GALNTL6: variants seen among roughly 807,000 people sequenced by gnomAD.
GALNTL6 encodes polypeptide N-acetylgalactosaminyltransferase like 6.
A neutral mutation model predicts 73.7 loss-of-function variants in GALNTL6; 46 were observed. The observed-to-expected ratio is 0.62, with a 90% confidence interval of 0.49 to 0.80. The LOEUF (loss-of-function observed/expected upper bound fraction) is 0.80, where lower values mean the gene tolerates loss of function less well. Ranked by LOEUF, GALNTL6 falls within the 30% of genes least tolerant of loss-of-function variation. GALNTL6 has a pLI of 0.00. For synonymous variants in GALNTL6, 259 were observed against 263.7 expected (o/e 0.98, Z 0.17); for missense variants, 604 against 755.0 (o/e 0.80, Z 2.34).
chr4:172,262,789 T>C (rs565724994), intron 3 of GALNTL6, among the ~76,000 whole-genome samples: 2 of 151,770 alleles, frequency 1.3e-5, no homozygotes, highest in Admixed American at 6.6e-5. Flanking sequence ...GAGCTCCTTT[T>C]AGCATTTCTT....
At chr4:172,536,837 A>G (rs984341936) in intron 5 of GALNTL6, among the ~76,000 whole-genome samples, 1 of 152,336 alleles carries the variant, frequency 6.6e-6, no homozygotes, top group South Asian at 2.1e-4. Flanking sequence ...TTGCATAATT[A>G]ATGAGGAGCC....
chr4:172,079,687 T>G (rs966548550), intron 2 of GALNTL6, among the ~76,000 whole-genome samples: 1 of 152,144 alleles, frequency 6.6e-6, no homozygotes, highest in African/African-American at 2.4e-5. Flanking sequence ...ATTTGAATAA[T>G]GGCTTTTCTA....
intron 11 of GALNTL6, among the ~76,000 whole-genome samples, chr4:173,018,347 G>T (rs1286972598): frequency 6.6e-6 from 1 of 152,130 alleles, no homozygotes; most frequent in Admixed American, 6.5e-5. Flanking sequence ...TCATTTGAGA[G>T]ACTAAAAAGA....
At chr4:171,853,722 C>T (rs1023471713) in intron 2 of GALNTL6, among the ~76,000 whole-genome samples, 6 of 147,038 alleles carry the variant, frequency 4.1e-5, no homozygotes, top group African/African-American at 1.0e-4. Flanking sequence ...AGCGATTCTC[C>T]TGCCTCAGCC....
At chr4:173,016,513 A>C (rs1035687736) in intron 11 of GALNTL6, among the ~76,000 whole-genome samples, 1 of 152,160 alleles carries the variant, frequency 6.6e-6, no homozygotes, top group Non-Finnish European at 1.5e-5. Context: ...TCATTTTGGA[A>C]CTTTAAGGTT....
chr4:172,695,809 C>G (rs899577618), intron 5 of GALNTL6, among the ~76,000 whole-genome samples: 1 of 151,914 alleles, frequency 6.6e-6, no homozygotes, highest in African/African-American at 2.4e-5. Context: ...AAAAATTAGC[C>G]GGGCATGGTG....
In GALNTL6 at chr4:171,828,780, G is replaced by A. The variant is rs1277267618; in HGVS notation, c.138+14062G>A. Among the ~76,000 whole-genome samples the A allele has an allele frequency of 3.3e-5, 5 of 152,156 alleles. No homozygotes were observed. The East Asian group carries it at 9.7e-4, about 29-fold the overall frequency. ...TGGGACTACAGGCACATGCTACTGG[G>A]CCTAGCTAATCTTTGTATTTTTAGT... On this transcript the variant is annotated intron_variant, in intron 2 of 12. Coordinates refer to ENST00000506823, the MANE Select transcript of GALNTL6 (RefSeq NM_001034845.3).
chr4:172,489,493 A>G (rs760020528), intron 5 of GALNTL6, among the ~76,000 whole-genome samples: 2 of 152,272 alleles, frequency 1.3e-5, no homozygotes, highest in African/African-American at 4.8e-5. Flanking sequence ...ATAGAGGTAC[A>G]TATGCCTGAA....
At chr4:172,317,166 T>G (rs1420643281) in intron 4 of GALNTL6, among the ~76,000 whole-genome samples, 1 of 152,208 alleles carries the variant, frequency 6.6e-6, no homozygotes, top group Admixed American at 6.5e-5. Flanking sequence ...TATTTCTTGA[T>G]ATATACAGAC....
intron 2 of GALNTL6, among the ~76,000 whole-genome samples, chr4:172,161,863 AG>A (rs1734480234): frequency 6.6e-6 from 1 of 152,016 alleles, no homozygotes; most frequent in South Asian, 2.1e-4. Flanking sequence ...GTAAAGATTG[AG>A]GCAAAGATGT....
In GALNTL6 at chr4:172,369,618, G is replaced by A. The variant is rs530887149; in HGVS notation, c.553+20929G>A. 4.8e-4 allele frequency among the ~76,000 whole-genome samples: 73 copies of A among 152,336 alleles called. 1 individual carries two copies. In the South Asian group the frequency reaches 9.5e-3, roughly 20 times the overall value. The stretch of plus-strand genomic sequence containing the variant: ...TGCAGGTCCCGAGCCCTGCCCCATG[G>A]GAAGGCGGCTGAGGCCCGGTGAGAA... On this transcript the variant is annotated intron_variant, in intron 5 of 12. Transcript: ENST00000506823.
chr4:172,212,704 G>A lies in GALNTL6; in HGVS notation c.139-16952G>A, dbSNP rs1339920202. On this transcript the variant is annotated intron_variant, in intron 2 of 12. Coordinates refer to ENST00000506823, the MANE Select transcript of GALNTL6 (RefSeq NM_001034845.3). ...TTTTTTTAGATGGAGTTTCGCTCTTGTTGCCCAGGCTAGAGTGCAATGGCA... is the reference window on the plus strand; with the variant it reads ...TTTTTTTAGATGGAGTTTCGCTCTTATTGCCCAGGCTAGAGTGCAATGGCA... 2.0e-5 allele frequency among the ~76,000 whole-genome samples: 3 copies of A among 151,882 alleles called. No homozygotes were observed. In the East Asian group the frequency reaches 5.8e-4, roughly 30 times the overall value.
chr4:172,354,845 A>C (rs920951981), intron 5 of GALNTL6, among the ~76,000 whole-genome samples: 1 of 152,042 alleles, frequency 6.6e-6, no homozygotes, highest in African/African-American at 2.4e-5. Context: ...AAAAATAATG[A>C]TAGTTATATA....
chr4:172,343,151 C>G (rs1193886236), intron 4 of GALNTL6, among the ~76,000 whole-genome samples: 2 of 151,990 alleles, frequency 1.3e-5, no homozygotes, highest in Non-Finnish European at 2.9e-5. Context: ...AACAAACAAA[C>G]AAAACAAAAC....
At chr4:171,977,953 G>A (rs1380008879) in intron 2 of GALNTL6, among the ~76,000 whole-genome samples, 1 of 152,058 alleles carries the variant, frequency 6.6e-6, no homozygotes, top group Non-Finnish European at 1.5e-5. Flanking sequence ...AAAAGTAATT[G>A]TGGTTTTTGC....
At chr4:172,215,876 T>G (rs1241722526) in intron 2 of GALNTL6, among the ~76,000 whole-genome samples, 1 of 152,142 alleles carries the variant, frequency 6.6e-6, no homozygotes, top group African/African-American at 2.4e-5. Flanking sequence ...TCCTTTTACA[T>G]TTTTAATAGT....
intron 5 of GALNTL6, among the ~76,000 whole-genome samples, chr4:172,420,328 T>G (rs902155098): frequency 6.6e-6 from 1 of 152,200 alleles, no homozygotes; most frequent in Non-Finnish European, 1.5e-5. Flanking sequence ...GCACATATTG[T>G]GCAACTCCAT....
intron 7 of GALNTL6, among the ~76,000 whole-genome samples, chr4:172,830,459 T>TA (rs1742564290): frequency 6.6e-6 from 1 of 151,966 alleles, no homozygotes. Context: ...CACCTTCTGG[T>TA]AAAAAAGTGA....
intron 2 of GALNTL6, among the ~76,000 whole-genome samples, chr4:171,906,256 T>A: frequency 6.7e-6 from 1 of 148,474 alleles, no homozygotes; most frequent in African/African-American, 2.5e-5. Context: ...GCAAGACTAA[T>A]AAAGAAAAAA....
Sources: allele counts gnomAD v4.1 joint callset (sites outside exome capture counted in the v4.1 genomes callset), GRCh38; gene constraint gnomAD v4.1.1; transcripts MANE v1.5; gene names NCBI Gene and HGNC (gene_info 2026-07-23, HGNC 2026-07-21).